The following TCF4 variants were observed in gnomAD, a reference collection of about 807,000 sequenced individuals.
The protein encoded by TCF4 is SL3-3 enhancer factor 2.
TCF4 carries 3 observed loss-of-function variants against 82.1 expected under a neutral mutation model. That is an observed-to-expected ratio of 0.04 (90% CI 0.02 to 0.09). The LOEUF is 0.09. Among genes scored for constraint, TCF4 ranks in the 10% least tolerant of loss-of-function variants. The pLI, the probability that TCF4 is intolerant of heterozygous loss-of-function variation, is 1.00. For synonymous variants in TCF4, 276 were observed against 309.6 expected, an observed-to-expected ratio of 0.89 and a Z score of 1.14; for missense variants, 518 against 852.7, an observed-to-expected ratio of 0.61 and a Z score of 4.89.
At chr18:55,460,997 G>A (rs1196379359) in intron 5 of TCF4, 22 bp downstream of exon 5, 22 of 1,604,714 alleles carry the variant, frequency 1.4e-5, no homozygotes, top group Non-Finnish European at 1.5e-5. Flanking sequence ...AAAAGTGTAA[G>A]TTAATTTAAA....
chr18:55,467,811 C>A (rs750697511), intron 3 of TCF4, among the ~76,000 whole-genome samples: 1 of 152,180 alleles, frequency 6.6e-6, no homozygotes, highest in African/African-American at 2.4e-5. Flanking sequence ...CTGTTCCTCA[C>A]CTCTCAAAGA....
chr18:55,518,429 A>T (rs1252118457), intron 3 of TCF4, among the ~76,000 whole-genome samples: 1 of 152,188 alleles, frequency 6.6e-6, no homozygotes, highest in African/African-American at 2.4e-5. Context: ...AAATCACCAA[A>T]TATGTAGGAG....
intron 3 of TCF4, among the ~76,000 whole-genome samples, chr18:55,504,595 G>A (rs1213904811): frequency 6.6e-6 from 1 of 152,086 alleles, no homozygotes; most frequent in Non-Finnish European, 1.5e-5. Flanking sequence ...ACAAAATAGA[G>A]GAGGCAAATC....
rs1456441415 is a variant in TCF4 at position 55,229,291 on chromosome 18, C to T, written c.1650-215G>A. ...TTTGGTTTTCTCGCAGACATTAAAC[C>T]CAAACCAAACAGGTGAGGGTGACGT... On this transcript the variant is annotated intron_variant, in intron 17 of 19. Coordinates refer to ENST00000354452, the MANE Select transcript of TCF4 (RefSeq NM_001083962.2). The T allele has an allele frequency of 1.0e-5, 6 of 594,996 alleles. No homozygotes were observed. In the African/African-American group the frequency reaches 1.1e-4, roughly 11 times the overall value. The allele number at this position is 594,996 out of a possible 1,614,324, so 36.9% of individuals were successfully genotyped here.
At chr18:55,480,964 C>T (rs1165986311) in intron 3 of TCF4, among the ~76,000 whole-genome samples, 3 of 151,930 alleles carry the variant, frequency 2.0e-5, no homozygotes, top group Non-Finnish European at 4.4e-5. Flanking sequence ...AATTGCTGGG[C>T]GTGGTGGCAG....
chr18:55,393,380 G>A (rs1294287030), intron 6 of TCF4, among the ~76,000 whole-genome samples: 1 of 152,092 alleles, frequency 6.6e-6, no homozygotes, highest in Non-Finnish European at 1.5e-5. Context: ...TTTCTTAAGA[G>A]TAAGTGTTAA....
chr18:55,328,189 T>C (rs1240277976), intron 8 of TCF4, among the ~76,000 whole-genome samples: 3 of 152,170 alleles, frequency 2.0e-5, no homozygotes. Flanking sequence ...CTCAATTTTT[T>C]GCAAAGTAAC....
chr18:55,506,110 T>A (rs1603617142), intron 3 of TCF4, among the ~76,000 whole-genome samples: 1 of 152,230 alleles, frequency 6.6e-6, no homozygotes, highest in Admixed American at 6.5e-5. Context: ...CTTCCAGTTT[T>A]AAAGATCAGA....
At chr18:55,400,842 C>G (rs2093771467) in intron 6 of TCF4, 1 of 629,694 alleles carries the variant, frequency 1.6e-6, no homozygotes, top group Non-Finnish European at 2.4e-6. Flanking sequence ...TTCCATATAG[C>G]ACTGCTCACC....
At chr18:55,577,202 A>ATATG (rs1346959824) in intron 3 of TCF4, among the ~76,000 whole-genome samples, 1 of 27,624 alleles carries the variant, frequency 3.6e-5, no homozygotes, top group African/African-American at 2.4e-4. Flanking sequence ...ATACATTTAT[A>ATATG]TATTTATATA....
intron 8 of TCF4, among the ~76,000 whole-genome samples, chr18:55,289,975 G>C (rs1350185898): frequency 1.3e-5 from 2 of 152,046 alleles, no homozygotes; most frequent in East Asian, 3.9e-4. Flanking sequence ...CTAAGTGCAT[G>C]CATGCATGAA....
intron 5 of TCF4, among the ~76,000 whole-genome samples, chr18:55,411,148 T>C (rs1023186029): frequency 6.6e-6 from 1 of 152,202 alleles, no homozygotes; most frequent in Non-Finnish European, 1.5e-5. Flanking sequence ...AATAACTCTT[T>C]AAGGCCACTA....
At chr18:55,399,892 A>T (rs1245363281) in intron 6 of TCF4, among the ~76,000 whole-genome samples, 53 of 140,268 alleles carry the variant, frequency 3.8e-4, no homozygotes, top group Non-Finnish European at 5.2e-4. Context: ...ACACACACAC[A>T]CACACACACA....
intron 15 of TCF4, among the ~76,000 whole-genome samples, chr18:55,240,691 T>C (rs1005059042): frequency 6.6e-6 from 1 of 152,156 alleles, no homozygotes; most frequent in Non-Finnish European, 1.5e-5. Flanking sequence ...TAACCACCTG[T>C]TGTGGGAGAA....
chr18:55,545,335 C>G (rs1198682613), intron 3 of TCF4, among the ~76,000 whole-genome samples: 2 of 152,198 alleles, frequency 1.3e-5, no homozygotes, highest in African/African-American at 4.8e-5. Flanking sequence ...GATTTGTCTT[C>G]TAGTCAAGCA....
chr18:55,331,957 A>G (rs561309362), intron 8 of TCF4: 10 of 152,336 alleles, frequency 6.6e-5, no homozygotes, highest in Admixed American at 2.0e-4. Flanking sequence ...TCTCAATACA[A>G]TAACTAATAA....
At chr18:55,286,426 G>T (rs2063707741) in intron 8 of TCF4, among the ~76,000 whole-genome samples, 1 of 151,970 alleles carries the variant, frequency 6.6e-6, no homozygotes, top group South Asian at 2.1e-4. Flanking sequence ...TTTTGTAAAG[G>T]AGTCAAAGGA....
At chr18:55,462,496 T>G (rs1671778089) in intron 4 of TCF4, among the ~76,000 whole-genome samples, 1 of 152,170 alleles carries the variant, frequency 6.6e-6, no homozygotes, top group African/African-American at 2.4e-5. Context: ...ACTTCTGGAT[T>G]TAGAAAATAT....
At chr18:55,434,763 CGTGTGTGTGTGTGTGT>C (rs527450659) in intron 5 of TCF4, among the ~76,000 whole-genome samples, 2 of 131,722 alleles carry the variant, frequency 1.5e-5, no homozygotes, top group East Asian at 2.3e-4. Context: ...CTCAAGTATT[CGTGTGTGTGTGTGTGT>C]GTGTGTGTGT....
Sources: allele counts gnomAD v4.1 joint callset (sites outside exome capture counted in the v4.1 genomes callset), GRCh38; gene constraint gnomAD v4.1.1; transcripts MANE v1.5; gene names NCBI Gene and HGNC (gene_info 2026-07-23, HGNC 2026-07-21).